Variants in ELP6 observed in about 807,000 individuals in gnomAD.
ELP6 encodes the protein elongator acetyltransferase complex subunit 6, also known as elongator complex protein 6.
ELP6 carries 23 observed loss-of-function variants against 28.1 expected under a neutral mutation model. The ratio of observed to expected loss-of-function variants is 0.82; its 90% CI spans 0.59 to 1.16. The LOEUF is 1.16. Ranked by LOEUF, ELP6 falls within the 50% of genes most tolerant of loss-of-function variation. The pLI, the probability that ELP6 is intolerant of heterozygous loss-of-function variation, is 0.00. For missense variants in ELP6, 313 were observed against 334.6 expected, an observed-to-expected ratio of 0.94 and a Z score of 0.50; for synonymous variants, 132 against 135.8, an observed-to-expected ratio of 0.97 and a Z score of 0.19.
Position 47,501,822 on chromosome 3 carries a change from A to G in ELP6, c.353T>C (p.Leu118Ser). 6.2e-7 allele frequency: 1 copy of G among 1,613,880 alleles called. No individual in the cohort carries two copies. Among genetic ancestry groups the G allele is most frequent in the Non-Finnish European group, 8.5e-7 (1 of 1,179,954 alleles). The change falls in exon 5 of 7, where the codon TTG becomes TCG. Residue 118 changes from leucine (L) to serine (S), a missense_variant. By Grantham distance (145) the Leu-to-Ser change is moderately radical (BLOSUM62 -2). Transcript: ENST00000296149. Reference protein sequence around the residue: ...REANAGNLKPLFEFVREALKP... With the variant: ...REANAGNLKPSFEFVREALKP... The stretch of plus-strand genomic sequence containing the variant: ...CAGGGCCTCCCGTACAAACTCAAAC[A>G]ATGGTTTCAAGTTCCCAGCATTAGC...
Position 47,500,174 on chromosome 3 carries a change from G to T in ELP6, c.525+1476C>A, listed in dbSNP as rs79779598. ...GGAAAAGAATGAAGCAGATCCATGT[G>T]TTATTTTTGGGCAATGGACAACAAA... On this transcript the variant is annotated intron_variant, in intron 5 of 6. Transcript: ENST00000296149. 1.6e-3 allele frequency: 1,836 copies of T among 1,125,100 alleles called. 27 individuals are homozygous for T. The African/African-American group carries it at 0.03, about 18-fold the overall frequency. 69.7% of individuals were successfully genotyped at this position (1,125,100 alleles called of 1,614,324 possible).
intron 1 of ELP6, chr3:47,513,215 C>T (rs544943324): frequency 1.5e-5 from 17 of 1,170,060 alleles, no homozygotes; most frequent in African/African-American, 1.6e-5. Context: ...TTGTCTCGAA[C>T]TCTTGACCTT....
chr3:47,503,290 T>G, intron 4 of ELP6: 1 of 1,283,438 alleles, frequency 7.8e-7, no homozygotes, highest in Non-Finnish European at 1.0e-6. Context: ...GAAGTTCCTG[T>G]GTGGACCACT....
intron 4 of ELP6, 101 bp from the exon 5 acceptor site, chr3:47,501,952 TG>T (rs1341780160): frequency 9.1e-7 from 1 of 1,093,608 alleles, no homozygotes; most frequent in African/African-American, 1.6e-5. Context: ...GACAAAGAAC[TG>T]TATCACAATT....
At chr3:47,499,867 G>A in intron 5 of ELP6, 1 of 1,233,776 alleles carries the variant, frequency 8.1e-7, no homozygotes, top group African/African-American at 1.6e-5. Flanking sequence ...AACTCCAGGA[G>A]AAGCTGCAGT....
At chr3:47,512,787 GTGCCAAT>G in intron 1 of ELP6, 8 of 931,478 alleles carry the variant, frequency 8.6e-6, no homozygotes, top group Non-Finnish European at 1.0e-5. Context: ...TCAATACAAT[GTGCCAAT>G]TGCTCCGGGG....
In ELP6 at chr3:47,504,310, TG is replaced by T; in HGVS notation, c.323+19del. 1 of 1,580,096 alleles carries T rather than the reference TG, an allele frequency of 6.3e-7. No individual in the cohort carries two copies. Among genetic ancestry groups the T allele is most frequent in the South Asian group, 1.2e-5 (1 of 86,902 alleles). On this transcript the variant is annotated intron_variant, in intron 4 of 6. Coordinates refer to ENST00000296149, the MANE Select transcript of ELP6 (RefSeq NM_001031703.3). ...CACCTGCCACGTGTTGCTTCCGGGC[TG>T]GGCTGTAGGCTGACTGACCTGAGAA...
chr3:47,507,322 T>C (rs1043829213), intron 3 of ELP6, among the ~76,000 whole-genome samples: 5 of 146,968 alleles, frequency 3.4e-5, no homozygotes, highest in East Asian at 2.0e-4. Context: ...GATCACACCA[T>C]TGCACTCCAG....
intron 6 of ELP6, chr3:47,496,682 G>A: frequency 2.8e-6 from 2 of 715,832 alleles, no homozygotes; most frequent in Non-Finnish European, 3.4e-6. Context: ...TTTAGTAGAG[G>A]CGGGGTTTCA....
chr3:47,502,568 C>T (rs1343216097), intron 4 of ELP6: 2 of 984,790 alleles, frequency 2.0e-6, no homozygotes, highest in African/African-American at 1.7e-5. Context: ...GGCACAGTAG[C>T]TCACACCTGT....
chr3:47,499,729 A>G, intron 5 of ELP6: 1 of 1,004,688 alleles, frequency 1.0e-6, no homozygotes, highest in Non-Finnish European at 1.2e-6. Context: ...AGTAATAAAA[A>G]AGAAAAAGAA....
rs1005935522 is a variant in ELP6, at chr3:47,495,839, T to C, written c.*230A>G. On this transcript the variant is annotated 3_prime_UTR_variant, in exon 7 of 7. Transcript: ENST00000296149. ...GGACCCCTTTCACTTGGGTCTAGCA[T>C]CCAGCCTCTCTCTCAGCAAAGGCAG... The C allele has an allele frequency of 1.7e-6, 1 of 590,354 alleles. No individual in the cohort carries two copies. Among genetic ancestry groups the C allele is most frequent in the Non-Finnish European group, 2.7e-6 (1 of 369,408 alleles). The allele number at this position is 590,354 out of a possible 1,614,324, so 36.6% of individuals were successfully genotyped here. A position where few individuals can be genotyped will look rare whatever the true frequency, so the allele number is the denominator to read the frequency against.
chr3:47,504,427 G>C lies in ELP6; in HGVS notation c.226C>G (p.Arg76Gly), dbSNP rs373089295. 1 of 1,607,464 alleles carries C rather than the reference G, an allele frequency of 6.2e-7. No homozygotes were observed. Among genetic ancestry groups the C allele is most frequent in the Non-Finnish European group, 8.5e-7 (1 of 1,176,332 alleles). Residue 76 changes from arginine to glycine, a missense_variant, in exon 4 of 7, where the codon CGG becomes GGG. By Grantham distance (125) the Arg-to-Gly change is moderately radical. Transcript: ENST00000296149. ...AGGAACACAAGCTGCCCACGCTCCC[G>C]CGCCATGGTCAGGCTGACACCCTAA... is the stretch of plus-strand genomic sequence containing the variant. Reference protein sequence around the residue: ...QKLGVSLTMARERGQLVFLEG... With the variant: ...QKLGVSLTMAGERGQLVFLEG...
At chr3:47,501,623 G>A in intron 5 of ELP6, 27 bp downstream of exon 5, 1 of 1,609,772 alleles carries the variant, frequency 6.2e-7, no homozygotes, top group Non-Finnish European at 8.5e-7. Context: ...TCACAGGTGG[G>A]CGCAGAGAAG....
intron 1 of ELP6, chr3:47,513,020 C>G: frequency 1.0e-6 from 1 of 983,568 alleles, no homozygotes; most frequent in Non-Finnish European, 1.2e-6. Flanking sequence ...AGGTGGAGTC[C>G]CGCTCTGTCG....
chr3:47,511,704 G>T, intron 1 of ELP6: 1 of 693,424 alleles, frequency 1.4e-6, no homozygotes, highest in Non-Finnish European at 1.8e-6. Flanking sequence ...AGAAGCAGTT[G>T]CTGATACAGA....
chr3:47,498,919 C>CCT lies in ELP6; in HGVS notation c.526-488_526-487insAG, dbSNP rs567802227. 6.7e-3 allele frequency among the ~76,000 whole-genome samples: 1,024 copies of CCT among 152,292 alleles called. 8 individuals carry two copies. The highest frequency in any genetic ancestry group is 0.011 in the Non-Finnish European group (725 of 68,026). ...GTATGGGAGCACAACGAAGAGGCAT[C>CCT]CCCTGTAACCCGGAGGAGCAGGTCA... On this transcript the variant is annotated intron_variant, in intron 5 of 6. Transcript: ENST00000296149.
In ELP6 at chr3:47,498,916, CA is replaced by C. The variant is rs570038333; in HGVS notation, c.526-485del. On this transcript the variant is annotated intron_variant, in intron 5 of 6. Transcript: ENST00000296149. ...GGTGTATGGGAGCACAACGAAGAGGCATCCCCTGTAACCCGGAGGAGCAGGT... is the reference window on the plus strand; with the variant it reads ...GGTGTATGGGAGCACAACGAAGAGGCTCCCCTGTAACCCGGAGGAGCAGGT... Among the ~76,000 whole-genome samples the C allele has an allele frequency of 6.7e-3, 1,024 of 152,308 alleles. 8 individuals are homozygous for C. The highest frequency in any genetic ancestry group is 0.011 in the Non-Finnish European group (725 of 68,028).
Position 47,510,351 on chromosome 3 carries a change from G to C in ELP6, c.134-97C>G, listed in dbSNP as rs1050737700. 14 of 975,260 alleles carry C rather than the reference G, an allele frequency of 1.4e-5. No homozygotes were observed. In the African/African-American group the frequency reaches 2.1e-4, roughly 15 times the overall value. 60.4% of individuals were successfully genotyped at this position (975,260 alleles called of 1,614,324 possible). ...AAAAAAAAGCACTGAGGCAAATCTA[G>C]AGACCCAGAGGCTTTGCAACCTGAC... On this transcript the variant is annotated intron_variant, in intron 2 of 6. Coordinates refer to ENST00000296149, the MANE Select transcript of ELP6 (RefSeq NM_001031703.3).
Sources: allele counts gnomAD v4.1 joint callset (sites outside exome capture counted in the v4.1 genomes callset), GRCh38; gene constraint gnomAD v4.1.1; transcripts MANE v1.5; gene names NCBI Gene and HGNC (gene_info 2026-07-23, HGNC 2026-07-21).